KLHL29: variants seen among roughly 807,000 people sequenced by gnomAD.
KLHL29 encodes the protein kelch-like protein 29.
KLHL29 carries 21 observed loss-of-function variants against 80.4 expected under a neutral mutation model. The observed-to-expected ratio is 0.26, with a 90% CI of 0.19 to 0.38. The LOEUF (loss-of-function observed/expected upper bound fraction) is 0.38, where lower values mean the gene tolerates loss of function less well. Ranked by LOEUF, KLHL29 falls within the 10% of genes least tolerant of loss-of-function variation. KLHL29 has a pLI of 1.00. For missense variants in KLHL29, 867 were observed against 1,223.9 expected (o/e 0.71, Z 4.35); for synonymous variants, 511 against 526.8 (o/e 0.97, Z 0.41).
At chr2:23,499,361 G>A (rs922814490) in intron 2 of KLHL29, among the ~76,000 whole-genome samples, 1 of 152,128 alleles carries the variant, frequency 6.6e-6, no homozygotes, top group Admixed American at 6.5e-5. Flanking sequence ...TACAGGAAAT[G>A]GACAGATTAG....
intron 1 of KLHL29, among the ~76,000 whole-genome samples, chr2:23,441,389 T>G (rs1241795754): frequency 9.4e-5 from 14 of 149,284 alleles, no homozygotes; most frequent in African/African-American, 3.0e-4. Flanking sequence ...AAATGATGAG[T>G]TAATGGGTGC....
In KLHL29 at chr2:23,603,974, G is replaced by A. The variant is rs892326035; in HGVS notation, c.286-35165G>A. 2.6e-5 allele frequency among the ~76,000 whole-genome samples: 4 copies of A among 152,178 alleles called. No homozygotes were observed. The East Asian group carries it at 5.8e-4, about 22-fold the overall frequency. On this transcript the variant is annotated intron_variant, in intron 3 of 13. Coordinates refer to ENST00000486442, the MANE Select transcript of KLHL29 (RefSeq NM_052920.2). ...AGGTTGACCATAGCACCATGAAGTC[G>A]GTTCTGTGAGCTCAGGCCTGGGTAC...
chr2:23,703,956 A>G (rs989677732), intron 13 of KLHL29, 93 bp downstream of exon 13: 1 of 1,362,672 alleles, frequency 7.3e-7, no homozygotes, highest in African/African-American at 1.4e-5. Flanking sequence ...CAGTGACCAT[A>G]GCAATTCCCA....
At chr2:23,521,793 A>G (rs1040914615) in intron 2 of KLHL29, among the ~76,000 whole-genome samples, 1 of 152,220 alleles carries the variant, frequency 6.6e-6, no homozygotes, top group African/African-American at 2.4e-5. Context: ...TTGAATTCCA[A>G]AGCCCACACT....
chr2:23,559,723 C>T (rs1187193703), intron 2 of KLHL29, among the ~76,000 whole-genome samples: 1 of 151,874 alleles, frequency 6.6e-6, no homozygotes, highest in African/African-American at 2.4e-5. Flanking sequence ...CGGCAGGCTG[C>T]AGGGAGGTGG....
chr2:23,444,795 G>A lies in KLHL29; in HGVS notation c.-153-30765G>A, dbSNP rs192954881. 2.4e-4 allele frequency among the ~76,000 whole-genome samples: 36 copies of A among 152,136 alleles called. No individual in the cohort carries two copies. In the South Asian group the frequency reaches 2.7e-3, roughly 11 times the overall value. On this transcript the variant is annotated intron_variant, in intron 1 of 13. Transcript: ENST00000486442. ...TCTTTTTGTCCTTAGAATATATCCC[G>A]TTACAGATGTACGATCAGAGTTCAA... is the stretch of plus-strand genomic sequence containing the variant.
chr2:23,474,429 T>C (rs1241615378), intron 1 of KLHL29, among the ~76,000 whole-genome samples: 2 of 152,240 alleles, frequency 1.3e-5, no homozygotes, highest in Non-Finnish European at 2.9e-5. Flanking sequence ...TTTCTCCTTG[T>C]GCTTCACCTT....
chr2:23,487,830 G>C (rs182327132), intron 2 of KLHL29, among the ~76,000 whole-genome samples: 1 of 152,318 alleles, frequency 6.6e-6, no homozygotes, highest in East Asian at 1.9e-4. Flanking sequence ...CAAGGAACAG[G>C]GTGGAGTTTC....
intron 2 of KLHL29, among the ~76,000 whole-genome samples, chr2:23,492,413 A>T (rs926264631): frequency 6.6e-6 from 1 of 151,650 alleles, no homozygotes; most frequent in Non-Finnish European, 1.5e-5. Context: ...AAACCCCTGC[A>T]CCCACCCCCA....
chr2:23,453,808 T>C (rs1460789777), intron 1 of KLHL29, among the ~76,000 whole-genome samples: 1 of 152,226 alleles, frequency 6.6e-6, no homozygotes, highest in African/African-American at 2.4e-5. Flanking sequence ...TTTTGTATTT[T>C]TTTTTTAGAA....
chr2:23,659,565 G>T (rs969699759), intron 5 of KLHL29, among the ~76,000 whole-genome samples: 1 of 152,148 alleles, frequency 6.6e-6, no homozygotes, highest in African/African-American at 2.4e-5. Flanking sequence ...CCAGCGTGAG[G>T]ACAGAGGAGG....
At chr2:23,614,989 C>G (rs1473117099) in intron 3 of KLHL29, among the ~76,000 whole-genome samples, 1 of 152,210 alleles carries the variant, frequency 6.6e-6, no homozygotes, top group South Asian at 2.1e-4. Flanking sequence ...CAAGACTCCT[C>G]CAAAGCCCGT....
chr2:23,588,122 G>A (rs549978089), intron 3 of KLHL29, among the ~76,000 whole-genome samples: 3 of 152,298 alleles, frequency 2.0e-5, no homozygotes, highest in East Asian at 1.9e-4. Flanking sequence ...GCTTGCCCCT[G>A]CCCTGTGAGT....
At chr2:23,537,113 T>C (rs1206536533) in intron 2 of KLHL29, among the ~76,000 whole-genome samples, 1 of 152,190 alleles carries the variant, frequency 6.6e-6, no homozygotes, top group Non-Finnish European at 1.5e-5. Flanking sequence ...TTTCTTGCAG[T>C]CTGACTTTCT....
chr2:23,543,591 C>T (rs905656768), intron 2 of KLHL29, among the ~76,000 whole-genome samples: 3 of 152,170 alleles, frequency 2.0e-5, no homozygotes, highest in Admixed American at 6.5e-5. Flanking sequence ...TGCAGTGTAA[C>T]GTTTCATTAG....
intron 6 of KLHL29, chr2:23,685,463 G>A (rs1427660583): frequency 1.2e-4 from 18 of 152,282 alleles, no homozygotes; most frequent in Admixed American, 1.2e-3. Flanking sequence ...TGTGCTCAGA[G>A]GGAGGACAGG....
At chr2:23,543,599 T>C (rs1382454318) in intron 2 of KLHL29, among the ~76,000 whole-genome samples, 1 of 152,214 alleles carries the variant, frequency 6.6e-6, no homozygotes, top group Admixed American at 6.5e-5. Context: ...AACGTTTCAT[T>C]AGACCTTCCA....
Position 23,457,058 on chromosome 2 carries a change from C to G in KLHL29, c.-153-18502C>G, listed in dbSNP as rs1349749988. Among the ~76,000 whole-genome samples the G allele has an allele frequency of 1.3e-5, 2 of 152,224 alleles. No homozygotes were observed. The highest frequency in any genetic ancestry group is 2.9e-5 in the Non-Finnish European group (2 of 68,046). On this transcript the variant is annotated intron_variant, in intron 1 of 13. Transcript: ENST00000486442. The surrounding 1 kb of genome is among the most constrained non-coding windows in gnomAD (Gnocchi z 4.3). ...AGCAGAGGTCGAGGCCTTCCGAGGC[C>G]CCTCCCCAGGCATCTGCTGAGACCC... is the stretch of plus-strand genomic sequence containing the variant.
chr2:23,615,530 C>T (rs777406644), intron 3 of KLHL29, among the ~76,000 whole-genome samples: 2 of 152,018 alleles, frequency 1.3e-5, no homozygotes, highest in African/African-American at 2.4e-5. Context: ...AGGACGTCCC[C>T]GGGCTCTGTG....
Sources: gnomAD v4.1 joint callset for allele counts (sites outside exome capture counted in the v4.1 genomes callset) on GRCh38, gnomAD v4.1.1 for gene constraint, Gnocchi (gnomAD v3.1) non-coding constraint, MANE v1.5 for transcripts, NCBI Gene and HGNC (gene_info 2026-07-23, HGNC 2026-07-21) for gene names.